UNC13C: variants seen among roughly 807,000 people sequenced by gnomAD.
The protein encoded by UNC13C is protein unc-13 homolog C.
A neutral mutation model predicts 245.4 loss-of-function variants in UNC13C; 174 were observed. The observed-to-expected ratio is 0.71, with a 90% confidence interval of 0.63 to 0.80. The LOEUF (loss-of-function observed/expected upper bound fraction) is 0.80, where lower values mean the gene tolerates loss of function less well. UNC13C is among the 30% of genes least tolerant of loss of function. The pLI is 0.00. For synonymous variants in UNC13C, 992 were observed against 895.1 expected, an observed-to-expected ratio of 1.11 and a Z score of -1.93; for missense variants, 2,829 against 2,602.9, an observed-to-expected ratio of 1.09 and a Z score of -1.89.
At chr15:54,337,676 A>G (rs1490184810) in intron 16 of UNC13C, among the ~76,000 whole-genome samples, 2 of 152,214 alleles carry the variant, frequency 1.3e-5, no homozygotes, top group African/African-American at 4.8e-5. Flanking sequence ...CGCTGTTCTC[A>G]TAATTGGTCT....
At chr15:54,297,750 G>T in intron 11 of UNC13C, 61 bp from the exon 12 acceptor site, 1 of 1,236,514 alleles carries the variant, frequency 8.1e-7, no homozygotes, top group Non-Finnish European at 1.2e-6. Context: ...CTTTTGAGAG[G>T]TCGTATGAGA....
chr15:54,408,604 A>G (rs1178484204), intron 18 of UNC13C, among the ~76,000 whole-genome samples: 3 of 152,110 alleles, frequency 2.0e-5, no homozygotes, highest in Admixed American at 1.3e-4. Flanking sequence ...TCAGCTTCAC[A>G]GGCTGTATGA....
chr15:54,085,606 T>TTTTA (rs201423483), intron 2 of UNC13C, among the ~76,000 whole-genome samples: 1,825 of 152,068 alleles, frequency 0.012, 36 homozygotes, highest in African/African-American at 0.043. Context: ...TCCAATAAAA[T>TTTTA]TTTATTTATT....
chr15:54,173,701 G>C (rs1222009122), intron 4 of UNC13C, among the ~76,000 whole-genome samples: 3 of 151,968 alleles, frequency 2.0e-5, no homozygotes, highest in East Asian at 3.9e-4. Context: ...GGGTTTTACT[G>C]TTTCTTTTCT....
chr15:54,111,952 C>T (rs1203512035), intron 2 of UNC13C, among the ~76,000 whole-genome samples: 1 of 152,092 alleles, frequency 6.6e-6, no homozygotes, highest in Non-Finnish European at 1.5e-5. Flanking sequence ...CCTTTTGCCA[C>T]AGAGGTTGAG....
At chr15:54,244,982 C>A (rs2035954753) in intron 7 of UNC13C, among the ~76,000 whole-genome samples, 1 of 152,088 alleles carries the variant, frequency 6.6e-6, no homozygotes, top group African/African-American at 2.4e-5. Flanking sequence ...ATTGCCCTAG[C>A]CGGAACTTTC....
chr15:53,870,349 CT>C, the UNC13C span, among the ~76,000 whole-genome samples: 1 of 152,086 alleles, frequency 6.6e-6, no homozygotes, highest in African/African-American at 2.4e-5. Flanking sequence ...TGATTGTCCC[CT>C]GATATGCATT....
At chr15:54,210,232 G>A (rs1255934223) in intron 4 of UNC13C, among the ~76,000 whole-genome samples, 1 of 91,038 alleles carries the variant, frequency 1.1e-5, no homozygotes, top group Non-Finnish European at 2.2e-5. Context: ...ATAGTTAACT[G>A]CATTAATATA....
chr15:54,625,347 A>G lies in UNC13C; in HGVS notation c.6359+1393A>G, dbSNP rs1901066206. Reference sequence around the variant, plus strand: ...ACAGCATTCTATTGCAAACAGCAAAAAGGAGGGTGGATCCACAGGGGGAAA... The same window carrying G: ...ACAGCATTCTATTGCAAACAGCAAAGAGGAGGGTGGATCCACAGGGGGAAA... On this transcript the variant is annotated intron_variant, in intron 32 of 32. Coordinates refer to ENST00000260323, the MANE Select transcript of UNC13C (RefSeq NM_001080534.3). Among the ~76,000 whole-genome samples the G allele has an allele frequency of 2.0e-5, 3 of 152,262 alleles. 1 individual carries two copies. The South Asian group carries it at 6.2e-4, about 32-fold the overall frequency.
At chr15:54,170,040 A>G (rs191172605) in intron 4 of UNC13C, among the ~76,000 whole-genome samples, 60 of 147,262 alleles carry the variant, frequency 4.1e-4, no homozygotes, top group Admixed American at 1.2e-3. Context: ...CCTATCATGT[A>G]CAGGGTATAT....
chr15:54,526,740 G>GA (rs1164016477), intron 25 of UNC13C, among the ~76,000 whole-genome samples: 7,378 of 62,982 alleles, frequency 0.12, 540 homozygotes, highest in African/African-American at 0.15. Flanking sequence ...ACTCCGTCTA[G>GA]AAAAAAAAAA....
At chr15:54,516,121 T>C (rs754258687) in intron 24 of UNC13C, among the ~76,000 whole-genome samples, 2 of 152,328 alleles carry the variant, frequency 1.3e-5, no homozygotes, top group Admixed American at 6.5e-5. Flanking sequence ...ATGTAGCTCA[T>C]TGAAATTCAT....
chr15:54,326,401 C>T (rs2038299083), intron 14 of UNC13C, among the ~76,000 whole-genome samples: 1 of 152,074 alleles, frequency 6.6e-6, no homozygotes, highest in Admixed American at 6.6e-5. Flanking sequence ...AATGTGTTGT[C>T]ACAATTCTTG....
intron 2 of UNC13C, among the ~76,000 whole-genome samples, chr15:54,077,573 G>A (rs889852810): frequency 6.6e-6 from 1 of 151,470 alleles, no homozygotes; most frequent in African/African-American, 2.4e-5. Flanking sequence ...TAGACTGCAT[G>A]TTGCCCAGGC....
intron 24 of UNC13C, among the ~76,000 whole-genome samples, chr15:54,525,009 A>G (rs1253985306): frequency 1.3e-5 from 2 of 152,140 alleles, no homozygotes; most frequent in Non-Finnish European, 2.9e-5. Context: ...CCAGAAAAAC[A>G]TGGGCGTGCT....
intron 16 of UNC13C, 114 bp downstream of exon 16, chr15:54,333,970 A>G: frequency 1.4e-6 from 1 of 703,150 alleles, no homozygotes; most frequent in Non-Finnish European, 2.5e-6. Context: ...TCCATCGATT[A>G]AGCTGTACTA....
chr15:54,464,742 A>G (rs557055118), intron 19 of UNC13C, among the ~76,000 whole-genome samples: 2 of 152,256 alleles, frequency 1.3e-5, no homozygotes, highest in Non-Finnish European at 2.9e-5. Context: ...TATCCAGTAG[A>G]AAATGAGTGT....
At chr15:54,320,226 T>C (rs1336219434) in intron 13 of UNC13C, among the ~76,000 whole-genome samples, 3 of 151,968 alleles carry the variant, frequency 2.0e-5, no homozygotes, top group Admixed American at 1.3e-4. Context: ...GGTGAAAATA[T>C]GACATTTCAG....
chr15:54,427,302 A>T (rs558610341), intron 19 of UNC13C, among the ~76,000 whole-genome samples: 1 of 151,894 alleles, frequency 6.6e-6, no homozygotes, highest in South Asian at 2.1e-4. Context: ...AAGTCTCACA[A>T]GATCTGATGG....
Sources: gnomAD v4.1 joint callset for allele counts (sites outside exome capture counted in the v4.1 genomes callset) on GRCh38, gnomAD v4.1.1 for gene constraint, MANE v1.5 for transcripts, NCBI Gene and HGNC (gene_info 2026-07-23, HGNC 2026-07-21) for gene names.